CNTNAP2: variants seen among roughly 807,000 people sequenced by gnomAD.
CNTNAP2 encodes contactin associated protein 2.
CNTNAP2 carries 98 observed loss-of-function variants against 155.2 expected under a neutral mutation model. The observed-to-expected ratio is 0.63, with a 90% confidence interval of 0.54 to 0.75. The LOEUF is 0.75. Ranked by LOEUF, CNTNAP2 falls within the 30% of genes least tolerant of loss-of-function variation. CNTNAP2 has a pLI of 0.00. For missense variants in CNTNAP2, 1,727 were observed against 1,688.1 expected (o/e 1.02, Z -0.40); for synonymous variants, 651 against 631.2 (o/e 1.03, Z -0.47).
At chr7:147,329,728 A>ATT (rs397740975) in intron 9 of CNTNAP2, among the ~76,000 whole-genome samples, 2 of 151,180 alleles carry the variant, frequency 1.3e-5, no homozygotes, top group South Asian at 2.1e-4. Flanking sequence ...GTATATCTCA[A>ATT]TTTTTTTTTT....
intron 1 of CNTNAP2, among the ~76,000 whole-genome samples, chr7:146,408,040 AT>A (rs1795817444): frequency 6.6e-6 from 1 of 152,200 alleles, no homozygotes; most frequent in African/African-American, 2.4e-5. Context: ...ACAGTAGGCT[AT>A]TAGTAGTTAA....
chr7:146,598,128 T>C (rs2129150942), intron 1 of CNTNAP2, among the ~76,000 whole-genome samples: 1 of 152,212 alleles, frequency 6.6e-6, no homozygotes, highest in African/African-American at 2.4e-5. Context: ...CATGCAACTT[T>C]GATGACTTGT....
At chr7:146,774,600 G>A (rs773612421) in intron 2 of CNTNAP2, among the ~76,000 whole-genome samples, 15 of 152,030 alleles carry the variant, frequency 9.9e-5, no homozygotes, top group East Asian at 1.9e-4. Flanking sequence ...GAGATAGTAC[G>A]TCAAAAAGGA....
chr7:146,941,779 A>T (rs1797062308), intron 3 of CNTNAP2, among the ~76,000 whole-genome samples: 1 of 146,224 alleles, frequency 6.8e-6, no homozygotes, highest in South Asian at 2.1e-4. Context: ...TGGTTGACAG[A>T]TTTTTTTTTT....
At chr7:147,619,069 C>T (rs1474590718) in intron 12 of CNTNAP2, among the ~76,000 whole-genome samples, 3 of 152,036 alleles carry the variant, frequency 2.0e-5, no homozygotes, top group Non-Finnish European at 1.5e-5. Context: ...GTATTTACAA[C>T]AAAATAAATT....
intron 1 of CNTNAP2, among the ~76,000 whole-genome samples, chr7:146,287,423 G>T (rs894328713): frequency 6.6e-6 from 1 of 152,184 alleles, no homozygotes; most frequent in African/African-American, 2.4e-5. Flanking sequence ...AACGTAACAG[G>T]TTGCCTGTAG....
chr7:147,037,298 T>C lies in CNTNAP2; in HGVS notation c.403-6609T>C, dbSNP rs186260263. ...AAATTTGATATTCAAATATATAACA[T>C]TAAATATCAAAAATAAAATATATTG... On this transcript the variant is annotated intron_variant, in intron 3 of 23. Coordinates refer to ENST00000361727, the MANE Select transcript of CNTNAP2 (RefSeq NM_014141.6). Among the ~76,000 whole-genome samples the C allele has an allele frequency of 1.3e-3, 198 of 152,004 alleles. 3 individuals are homozygous for C. Among genetic ancestry groups the C allele is most frequent in the African/African-American group, 4.2e-3 (175 of 41,508 alleles).
At chr7:147,539,008 G>A (rs1369583804) in intron 11 of CNTNAP2, among the ~76,000 whole-genome samples, 1 of 152,118 alleles carries the variant, frequency 6.6e-6, no homozygotes, top group Non-Finnish European at 1.5e-5. Context: ...GCTGAATGAT[G>A]CCAGCTTTGG....
chr7:146,799,541 TTAAAG>T (rs1363669244), intron 2 of CNTNAP2, among the ~76,000 whole-genome samples: 1 of 152,208 alleles, frequency 6.6e-6, no homozygotes, highest in Non-Finnish European at 1.5e-5. Flanking sequence ...TACATGCACA[TTAAAG>T]TAAGAAATTT....
intron 12 of CNTNAP2, among the ~76,000 whole-genome samples, chr7:147,581,907 C>A (rs1800508970): frequency 6.6e-6 from 1 of 151,972 alleles, no homozygotes; most frequent in Non-Finnish European, 1.5e-5. Context: ...CCTATTTATA[C>A]ATATAAATAA....
chr7:148,219,506 C>T (rs932533523), intron 19 of CNTNAP2, among the ~76,000 whole-genome samples: 1 of 152,038 alleles, frequency 6.6e-6, no homozygotes, highest in Non-Finnish European at 1.5e-5. Context: ...TTAGCCTAGG[C>T]GACATAGCAA....
rs138696338 is a variant in CNTNAP2 at position 146,528,810 on chromosome 7, A to G, written c.98-245461A>G. 1.8e-3 allele frequency among the ~76,000 whole-genome samples: 279 copies of G among 152,296 alleles called. 2 individuals carry two copies. The highest frequency in any genetic ancestry group is 6.3e-3 in the African/African-American group (263 of 41,568). On this transcript the variant is annotated intron_variant, in intron 1 of 23. Transcript: ENST00000361727. ...TGAGAACTGGAGGGTGAAGATTAAA[A>G]AAAGAGAGAGAGACAGTGATATGCA...
chr7:146,252,724 A>C (rs1052052226), intron 1 of CNTNAP2, among the ~76,000 whole-genome samples: 2 of 151,852 alleles, frequency 1.3e-5, no homozygotes, highest in South Asian at 4.1e-4. Context: ...CCATTGCCTT[A>C]TATTCTTAAA....
intron 1 of CNTNAP2, among the ~76,000 whole-genome samples, chr7:146,139,725 C>T (rs958629370): frequency 5.3e-5 from 8 of 151,876 alleles, no homozygotes; most frequent in African/African-American, 1.9e-4. Flanking sequence ...TTGTATAAGA[C>T]AGACCTAAAT....
intron 1 of CNTNAP2, among the ~76,000 whole-genome samples, chr7:146,529,008 A>G (rs1256354881): frequency 6.6e-6 from 1 of 152,216 alleles, no homozygotes; most frequent in Non-Finnish European, 1.5e-5. Context: ...GATATTGTGT[A>G]TTTTTGAAAG....
chr7:146,956,582 A>G (rs1797442717), intron 3 of CNTNAP2, among the ~76,000 whole-genome samples: 2 of 152,164 alleles, frequency 1.3e-5, no homozygotes, highest in African/African-American at 4.8e-5. Flanking sequence ...ACTCTCTGTG[A>G]AAAGAGTGTG....
chr7:147,729,422 A>G (rs911784800), intron 13 of CNTNAP2, among the ~76,000 whole-genome samples: 2 of 16,278 alleles, frequency 1.2e-4, no homozygotes, highest in Admixed American at 3.3e-4. Flanking sequence ...ACACGCACAC[A>G]CACACGCACA....
intron 16 of CNTNAP2, among the ~76,000 whole-genome samples, chr7:148,127,341 G>A (rs1804737320): frequency 6.6e-6 from 1 of 152,124 alleles, no homozygotes; most frequent in Non-Finnish European, 1.5e-5. Flanking sequence ...GGGATTTTTG[G>A]AGGGAAATTT....
At chr7:147,927,163 A>AT (rs1191794036) in intron 14 of CNTNAP2, among the ~76,000 whole-genome samples, 1 of 152,094 alleles carries the variant, frequency 6.6e-6, no homozygotes, top group Non-Finnish European at 1.5e-5. Context: ...GATAAAGATA[A>AT]TTTTTTTAGA....
Sources: gnomAD v4.1 joint callset for allele counts (sites outside exome capture counted in the v4.1 genomes callset) on GRCh38, gnomAD v4.1.1 for gene constraint, MANE v1.5 for transcripts, NCBI Gene and HGNC (gene_info 2026-07-23, HGNC 2026-07-21) for gene names.